The following WDR70 variants were observed in gnomAD, a reference collection of about 807,000 sequenced individuals.
WDR70 encodes WD repeat-containing protein 70.
In WDR70, 53 loss-of-function variants were observed where a neutral mutation model predicts 88.6. The ratio of observed to expected loss-of-function variants is 0.60; its 90% CI spans 0.48 to 0.75. The LOEUF (loss-of-function observed/expected upper bound fraction) is 0.75. WDR70 is among the 30% of genes least tolerant of loss of function. WDR70 has a pLI of 0.00. For missense variants in WDR70, 610 were observed against 823.2 expected (o/e 0.74, Z 3.17); for synonymous variants, 280 against 270.0 (o/e 1.04, Z -0.36).
chr5:37,687,155 T>C (rs934529319), intron 10 of WDR70, among the ~76,000 whole-genome samples: 1 of 152,162 alleles, frequency 6.6e-6, no homozygotes, highest in East Asian at 1.9e-4. Context: ...GTGAGGATAT[T>C]TGTCATAATG....
At chr5:37,523,300 G>A (rs1741154098) in intron 9 of WDR70, among the ~76,000 whole-genome samples, 1 of 152,220 alleles carries the variant, frequency 6.6e-6, no homozygotes, top group South Asian at 2.1e-4. Flanking sequence ...GGAACGATCA[G>A]GCAGCAACAT....
intron 8 of WDR70, among the ~76,000 whole-genome samples, chr5:37,481,225 G>C (rs1019981095): frequency 1.3e-5 from 2 of 152,154 alleles, no homozygotes; most frequent in South Asian, 2.1e-4. Context: ...GATGGTGGCC[G>C]TTTTCTCACA....
In WDR70 at chr5:37,739,529, G is replaced by A. The variant is rs551765173; in HGVS notation, c.1877+12484G>A. 4.6e-5 allele frequency among the ~76,000 whole-genome samples: 7 copies of A among 152,212 alleles called. No individual in the cohort carries two copies. The South Asian group carries it at 1.5e-3, about 32-fold the overall frequency. ...GACAGAATTGCTTTCTGGAAGTGGT[G>A]GAGTATATTTCTTGCAATTTGTTTG... On this transcript the variant is annotated intron_variant, in intron 17 of 17. Coordinates refer to ENST00000265107, the MANE Select transcript of WDR70 (RefSeq NM_018034.4).
At chr5:37,736,326 A>G (rs1242322760) in intron 17 of WDR70, among the ~76,000 whole-genome samples, 1 of 152,158 alleles carries the variant, frequency 6.6e-6, no homozygotes, top group East Asian at 1.9e-4. Flanking sequence ...GATATTGGAT[A>G]TATGAATATG....
intron 9 of WDR70, among the ~76,000 whole-genome samples, chr5:37,598,890 A>G (rs1743779223): frequency 6.6e-6 from 1 of 152,234 alleles, no homozygotes. Flanking sequence ...CAAGAAAACG[A>G]CACAGGTGGG....
intron 10 of WDR70, among the ~76,000 whole-genome samples, chr5:37,678,811 A>G (rs1332441292): frequency 1.3e-5 from 2 of 152,216 alleles, no homozygotes; most frequent in Non-Finnish European, 2.9e-5. Flanking sequence ...CTCCTGGATA[A>G]TATCCTGCAG....
chr5:37,551,795 C>T (rs1361048511), intron 9 of WDR70, among the ~76,000 whole-genome samples: 15 of 97,166 alleles, frequency 1.5e-4, no homozygotes, highest in Admixed American at 1.1e-3. Flanking sequence ...TTTTTTGAGA[C>T]GGAGTCTCAC....
At chr5:37,594,450 T>A (rs1743639145) in intron 9 of WDR70, among the ~76,000 whole-genome samples, 1 of 152,132 alleles carries the variant, frequency 6.6e-6, no homozygotes, top group Admixed American at 6.5e-5. Context: ...GATCAGATGG[T>A]TGTAGATGTG....
intron 10 of WDR70, among the ~76,000 whole-genome samples, chr5:37,626,790 C>T (rs1269277433): frequency 6.6e-6 from 1 of 152,100 alleles, no homozygotes; most frequent in African/African-American, 2.4e-5. Flanking sequence ...CTGATTCTCT[C>T]TCATGACTTG....
intron 10 of WDR70, among the ~76,000 whole-genome samples, chr5:37,635,471 A>G (rs535305464): frequency 7.9e-5 from 12 of 152,306 alleles, no homozygotes; most frequent in Middle Eastern, 3.4e-3. Flanking sequence ...TCCAGCTTCA[A>G]AAATTCTTTT....
intron 7 of WDR70, among the ~76,000 whole-genome samples, chr5:37,449,607 AAAATAAAAAATAAAT>A (rs1738604858): frequency 1.9e-5 from 1 of 52,180 alleles, no homozygotes; most frequent in Non-Finnish European, 4.7e-5. Context: ...AAAAAAATAA[AAAATAAAAAATAAAT>A]AAATAAATAA....
chr5:37,463,028 C>A (rs1739055517), intron 7 of WDR70, among the ~76,000 whole-genome samples: 1 of 152,064 alleles, frequency 6.6e-6, no homozygotes, highest in Non-Finnish European at 1.5e-5. Flanking sequence ...AATCCCAGCA[C>A]TTTGGGAGGC....
intron 9 of WDR70, among the ~76,000 whole-genome samples, chr5:37,582,010 TA>T (rs879507845): frequency 6.4e-4 from 95 of 148,410 alleles, no homozygotes; most frequent in African/African-American, 1.8e-3. Context: ...TTTGAAAACT[TA>T]AAAAAAAAAA....
intron 5 of WDR70, among the ~76,000 whole-genome samples, chr5:37,430,183 C>T (rs144868107): frequency 3.3e-5 from 5 of 152,242 alleles, no homozygotes; most frequent in Admixed American, 6.5e-5. Context: ...TAATATATCT[C>T]TTAGAGGTAA....
intron 9 of WDR70, among the ~76,000 whole-genome samples, chr5:37,572,506 T>C (rs1742937088): frequency 6.6e-6 from 1 of 152,128 alleles, no homozygotes; most frequent in Non-Finnish European, 1.5e-5. Context: ...TATTGTATTA[T>C]GGTGAAGTCA....
intron 9 of WDR70, among the ~76,000 whole-genome samples, chr5:37,576,973 C>T (rs1020608175): frequency 6.6e-5 from 10 of 152,068 alleles, no homozygotes; most frequent in Non-Finnish European, 1.0e-4. Flanking sequence ...CCAGGACACT[C>T]GTGGCAAGTT....
At position 37,722,910 on chromosome 5, in the gene WDR70, C is replaced by T. The variant is rs777885499; in HGVS notation, c.1573C>T (p.Leu525=). ...TQRKAKQAET[L]TQDYIITPHA... ...GCGGAAGGCAAAACAAGCTGAGACT[C>T]TAACTCAGGACTACATCATCACCCG... The change falls in exon 15 of 18, where the codon CTA becomes TTA. Residue 525 remains leucine (L), a synonymous_variant. Coordinates refer to ENST00000265107, the MANE Select transcript of WDR70 (RefSeq NM_018034.4). 5.3e-5 allele frequency: 85 copies of T among 1,613,504 alleles called. No homozygotes were observed. Among genetic ancestry groups the T allele is most frequent in the Non-Finnish European group, 2.4e-5 (28 of 1,179,654 alleles).
chr5:37,420,145 T>G (rs903087491), intron 5 of WDR70, among the ~76,000 whole-genome samples: 1 of 152,234 alleles, frequency 6.6e-6, no homozygotes, highest in Admixed American at 6.5e-5. Flanking sequence ...GGAGGATTAC[T>G]TGAGGCTGGG....
In WDR70 at chr5:37,753,172, A is replaced by G. The variant is rs541711277; in HGVS notation, c.*599A>G. 6.6e-6 allele frequency: 1 copy of G among 152,288 alleles called. No individual in the cohort carries two copies. Among genetic ancestry groups the G allele is most frequent in the South Asian group, 2.1e-4 (1 of 4,826 alleles). The allele number at this position is 152,288 out of a possible 1,614,324, so 9.4% of individuals were successfully genotyped here. ...CTTTACTTCTGGGTCATCTTAAGAG[A>G]GTTATTTAACTTTTCTTTTCTAGCC... On this transcript the variant is annotated 3_prime_UTR_variant, in exon 18 of 18. Transcript: ENST00000265107.
Sources: allele counts gnomAD v4.1 joint callset (sites outside exome capture counted in the v4.1 genomes callset), GRCh38; gene constraint gnomAD v4.1.1; transcripts MANE v1.5; gene names NCBI Gene and HGNC (gene_info 2026-07-23, HGNC 2026-07-21).